The following NLGN1 variants were observed in gnomAD, a reference collection of about 807,000 sequenced individuals.
NLGN1 encodes neuroligin-1.
Under a neutral mutation model 65.5 loss-of-function variants are expected in NLGN1, and 12 were observed. That is an observed-to-expected ratio of 0.18 (90% CI 0.12 to 0.30). The LOEUF is 0.30. Among genes scored for constraint, NLGN1 ranks in the 10% least tolerant of loss-of-function variants. NLGN1 has a pLI of 1.00. For synonymous variants in NLGN1, 350 were observed against 359.5 expected (o/e 0.97, Z 0.30); for missense variants, 750 against 1,007.1 (o/e 0.74, Z 3.46).
In NLGN1 at chr3:174,280,378, A is replaced by G. The variant is rs1751333464; in HGVS notation, c.1650-103A>G. On this transcript the variant is annotated intron_variant, in intron 6 of 6. Transcript: ENST00000457714. This position sits in a 1 kb window ranked among gnomAD's most constrained non-coding sequence, Gnocchi z 4.9. ...AAATTAATGTTAAAACACAATCTAAAGCATTGCTGAGTCATCTATTTAATT... is the reference window on the plus strand; with the variant it reads ...AAATTAATGTTAAAACACAATCTAAGGCATTGCTGAGTCATCTATTTAATT... 2 of 775,420 alleles carry G rather than the reference A, an allele frequency of 2.6e-6. No individual in the cohort carries two copies. The highest frequency in any genetic ancestry group is 3.5e-5 in the African/African-American group (2 of 56,748). The allele number at this position is 775,420 out of a possible 1,614,324, so 48.0% of individuals were successfully genotyped here.
intron 4 of NLGN1, among the ~76,000 whole-genome samples, chr3:174,038,413 T>C (rs917878072): frequency 3.9e-5 from 6 of 152,162 alleles, no homozygotes; most frequent in African/African-American, 1.4e-4. Flanking sequence ...GTCTATGTCA[T>C]TTGCCCTTCT....
At chr3:173,453,219 C>T (rs1362160982) in intron 2 of NLGN1, among the ~76,000 whole-genome samples, 1 of 151,588 alleles carries the variant, frequency 6.6e-6, no homozygotes, top group African/African-American at 2.4e-5. Flanking sequence ...TCCTAAGTAG[C>T]TGGGACTACA....
At chr3:173,835,580 TACAC>T (rs57183549) in intron 4 of NLGN1, among the ~76,000 whole-genome samples, 1,965 of 146,480 alleles carry the variant, frequency 0.013, 43 homozygotes, top group African/African-American at 0.045. Flanking sequence ...TTCAAACACA[TACAC>T]ACACACACAC....
chr3:173,968,685 ATCTT>A (rs1715431090), intron 4 of NLGN1, among the ~76,000 whole-genome samples: 1 of 136,010 alleles, frequency 7.4e-6, no homozygotes, highest in Non-Finnish European at 1.5e-5. Flanking sequence ...ACTGAAAATA[ATCTT>A]TTTTTTTTTT....
intron 3 of NLGN1, among the ~76,000 whole-genome samples, chr3:173,801,570 TCAC>T (rs1715465975): frequency 6.6e-6 from 1 of 152,046 alleles, no homozygotes; most frequent in Non-Finnish European, 1.5e-5. Flanking sequence ...ATAAACTCCT[TCAC>T]AACAGATAAT....
At chr3:173,577,255 A>T (rs931938735) in intron 2 of NLGN1, among the ~76,000 whole-genome samples, 1 of 152,208 alleles carries the variant, frequency 6.6e-6, no homozygotes, top group East Asian at 1.9e-4. Context: ...TATTACACAT[A>T]AGCCAAGAAT....
intron 3 of NLGN1, among the ~76,000 whole-genome samples, chr3:173,709,795 C>A (rs1248241249): frequency 3.6e-5 from 4 of 110,714 alleles, no homozygotes; most frequent in African/African-American, 1.6e-4. Context: ...GAGAGCGAAA[C>A]TCTATCTCAA....
At chr3:173,529,162 G>A (rs1255277503) in intron 2 of NLGN1, among the ~76,000 whole-genome samples, 1 of 152,174 alleles carries the variant, frequency 6.6e-6, no homozygotes, top group East Asian at 1.9e-4. Context: ...TGACTGTACA[G>A]TATGTTAGGT....
chr3:173,668,262 A>T (rs1040545893), intron 3 of NLGN1, among the ~76,000 whole-genome samples: 2 of 152,210 alleles, frequency 1.3e-5, no homozygotes, highest in Non-Finnish European at 2.9e-5. Context: ...ATGTGAAAGT[A>T]GTTATCAGTT....
At chr3:173,526,776 C>T (rs906015490) in intron 2 of NLGN1, among the ~76,000 whole-genome samples, 8 of 152,152 alleles carry the variant, frequency 5.3e-5, no homozygotes, top group Non-Finnish European at 1.2e-4. Context: ...GCTAACCATC[C>T]TTCTACTCTG....
At chr3:173,748,639 C>T (rs549720121) in intron 3 of NLGN1, among the ~76,000 whole-genome samples, 74 of 152,184 alleles carry the variant, frequency 4.9e-4, no homozygotes, top group African/African-American at 1.6e-3. Context: ...AACAAACAAA[C>T]AAAAGGTTTC....
chr3:173,777,590 T>A (rs1578381912), intron 3 of NLGN1, among the ~76,000 whole-genome samples: 1 of 151,902 alleles, frequency 6.6e-6, no homozygotes, highest in Admixed American at 6.6e-5. Flanking sequence ...TACTGTGCAA[T>A]AGAAGACCAG....
chr3:173,739,697 A>G (rs540637875), intron 3 of NLGN1, among the ~76,000 whole-genome samples: 2 of 152,274 alleles, frequency 1.3e-5, no homozygotes, highest in East Asian at 1.9e-4. Context: ...ATGGCAAAAT[A>G]TAAATGTCTG....
At chr3:173,683,271 A>G (rs934998681) in intron 3 of NLGN1, among the ~76,000 whole-genome samples, 4 of 152,050 alleles carry the variant, frequency 2.6e-5, no homozygotes, top group Non-Finnish European at 5.9e-5. Context: ...TACACATTTC[A>G]AGTCCTCCTT....
intron 2 of NLGN1, among the ~76,000 whole-genome samples, chr3:173,465,303 G>A (rs373354676): frequency 1.3e-5 from 2 of 152,150 alleles, no homozygotes; most frequent in Non-Finnish European, 2.9e-5. Flanking sequence ...ATCCACTTTA[G>A]TTGTTGCTGA....
chr3:174,292,495 A>G, the NLGN1 span, among the ~76,000 whole-genome samples: 1 of 148,154 alleles, frequency 6.7e-6, no homozygotes. Context: ...TCCAATTTAA[A>G]TTCTAAAGTG....
intron 4 of NLGN1, among the ~76,000 whole-genome samples, chr3:174,133,344 T>C (rs889636439): frequency 6.6e-6 from 1 of 152,218 alleles, no homozygotes; most frequent in Non-Finnish European, 1.5e-5. Context: ...ATCTTTGACA[T>C]CTAAATCTCC....
intron 4 of NLGN1, among the ~76,000 whole-genome samples, chr3:174,095,786 G>A (rs1408627889): frequency 6.6e-6 from 1 of 151,884 alleles, no homozygotes; most frequent in African/African-American, 2.4e-5. Flanking sequence ...GATCACCTGA[G>A]GTCAGGAGTT....
At chr3:173,824,210 G>A (rs764043899) in intron 4 of NLGN1, among the ~76,000 whole-genome samples, 7 of 152,034 alleles carry the variant, frequency 4.6e-5, no homozygotes, top group Non-Finnish European at 1.0e-4. Flanking sequence ...GGATTAAATT[G>A]TCATGGTTTC....
Sources: allele counts gnomAD v4.1 joint callset (sites outside exome capture counted in the v4.1 genomes callset), GRCh38; gene constraint gnomAD v4.1.1; non-coding constraint Gnocchi (gnomAD v3.1); transcripts MANE v1.5; gene names NCBI Gene and HGNC (gene_info 2026-07-23, HGNC 2026-07-21).